MBD5: variants seen among roughly 807,000 people sequenced by gnomAD.
The protein encoded by MBD5 is methyl-CpG-binding domain protein 5.
MBD5 carries 13 observed loss-of-function variants against 117.3 expected under a neutral mutation model. The ratio of observed to expected loss-of-function variants is 0.11; its 90% CI spans 0.07 to 0.18. MBD5 has a LOEUF of 0.18. Ranked by LOEUF, MBD5 falls within the 10% of genes least tolerant of loss-of-function variation. The probability of loss-of-function intolerance (pLI) is 1.00; values close to 1 mark genes in which losing one functional copy is unlikely to be tolerated. For synonymous variants in MBD5, 727 were observed against 766.4 expected (o/e 0.95, Z 0.85); for missense variants, 1,879 against 2,093.8 (o/e 0.90, Z 2.00).
At chr2:148,262,466 G>A (rs1700754197) in intron 3 of MBD5, among the ~76,000 whole-genome samples, 1 of 151,990 alleles carries the variant, frequency 6.6e-6, no homozygotes. Context: ...CATTTATATG[G>A]CTCTCACTCT....
chr2:148,398,726 C>T (rs932558485), intron 4 of MBD5, among the ~76,000 whole-genome samples: 6 of 152,046 alleles, frequency 3.9e-5, no homozygotes, highest in African/African-American at 1.2e-4. Flanking sequence ...AAGTCCTTGC[C>T]CATGTCTATG....
intron 1 of MBD5, among the ~76,000 whole-genome samples, chr2:148,069,153 C>T (rs770935763): frequency 3.2e-4 from 49 of 152,112 alleles, no homozygotes; most frequent in Non-Finnish European, 5.0e-4. Context: ...TGTTAGCAAG[C>T]ATGTTTTGCA....
intron 1 of MBD5, among the ~76,000 whole-genome samples, chr2:148,035,331 CTG>C (rs200689677): frequency 0.03 from 4,586 of 152,174 alleles, 86 homozygotes; most frequent in Non-Finnish European, 0.047. Flanking sequence ...CTATTAATAA[CTG>C]TTCTATAATC....
chr2:148,423,715 G>T (rs577414385), intron 4 of MBD5, among the ~76,000 whole-genome samples: 1 of 152,142 alleles, frequency 6.6e-6, no homozygotes, highest in Non-Finnish European at 1.5e-5. Context: ...ACCCTTAAAT[G>T]TAAACAGACT....
At chr2:148,266,178 T>C (rs1300107438) in intron 3 of MBD5, among the ~76,000 whole-genome samples, 4 of 152,184 alleles carry the variant, frequency 2.6e-5, no homozygotes, top group Non-Finnish European at 5.9e-5. Flanking sequence ...GTATTTGTGT[T>C]GGTATCTCCT....
chr2:148,354,389 G>C (rs1173851721), intron 4 of MBD5, among the ~76,000 whole-genome samples: 4 of 152,068 alleles, frequency 2.6e-5, no homozygotes, highest in South Asian at 2.1e-4. Context: ...TCTTGTGTTA[G>C]TTTGCTGAGA....
At chr2:148,035,882 TA>T (rs1342855819) in intron 1 of MBD5, among the ~76,000 whole-genome samples, 1 of 152,160 alleles carries the variant, frequency 6.6e-6, no homozygotes, top group Non-Finnish European at 1.5e-5. Context: ...TACAATGCTT[TA>T]AAAATGCCTG....
intron 4 of MBD5, among the ~76,000 whole-genome samples, chr2:148,397,303 C>G (rs1001410343): frequency 1.1e-4 from 16 of 150,798 alleles, no homozygotes; most frequent in Admixed American, 6.0e-4. Context: ...TCTTGTGGCC[C>G]AAATGTTTCT....
At chr2:148,049,073 A>G (rs1180014602) in intron 1 of MBD5, among the ~76,000 whole-genome samples, 1 of 152,198 alleles carries the variant, frequency 6.6e-6, no homozygotes, top group Admixed American at 6.5e-5. Context: ...ATTGTGGGAA[A>G]TGGTAAAAAA....
At chr2:148,158,226 T>A (rs1697919142) in intron 1 of MBD5, among the ~76,000 whole-genome samples, 1 of 152,206 alleles carries the variant, frequency 6.6e-6, no homozygotes, top group Non-Finnish European at 1.5e-5. Flanking sequence ...TTTAAGGGAT[T>A]TTTAATGATA....
intron 4 of MBD5, among the ~76,000 whole-genome samples, chr2:148,376,732 A>ATTATATTATATATTATAATTATATATAT (rs1703997978): frequency 1.4e-5 from 2 of 140,126 alleles, no homozygotes; most frequent in African/African-American, 5.2e-5. Flanking sequence ...CTAATATATA[A>ATTATATTATATATTATAATTATATATAT]TTATATTATA....
chr2:148,396,760 T>C (rs970329603), intron 4 of MBD5, among the ~76,000 whole-genome samples: 1 of 152,178 alleles, frequency 6.6e-6, no homozygotes, highest in African/African-American at 2.4e-5. Flanking sequence ...TCTTACAGGG[T>C]TGCCACAGGT....
rs62183928 is a variant in MBD5, at chr2:148,190,923, A to C, written c.-831+12130A>C. On this transcript the variant is annotated intron_variant, in intron 2 of 13. Coordinates refer to ENST00000642680, the MANE Select transcript of MBD5 (RefSeq NM_001378120.1). Reference sequence around the variant, plus strand: ...AAGGATGGAGGAAGATCTACCAAGCAAATGGAAAACAAAAAAAGGCAGGGG... The same window carrying C: ...AAGGATGGAGGAAGATCTACCAAGCCAATGGAAAACAAAAAAAGGCAGGGG... Among the ~76,000 whole-genome samples, 356 of 136,034 alleles carry C rather than the reference A, an allele frequency of 2.6e-3. 2 individuals carry two copies. The highest frequency in any genetic ancestry group is 9.6e-3 in the African/African-American group (334 of 34,838). 89.2% of individuals were successfully genotyped at this position (136,034 alleles called of 152,430 possible).
intron 6 of MBD5, among the ~76,000 whole-genome samples, 165 bp downstream of exon 6, chr2:148,462,849 G>A (rs565162648): frequency 3.2e-4 from 48 of 152,078 alleles, no homozygotes; most frequent in Admixed American, 2.0e-3. Flanking sequence ...CTTAAAAATT[G>A]TGGAAAATAA....
chr2:148,388,463 T>C (rs569666513), intron 4 of MBD5, among the ~76,000 whole-genome samples: 25 of 152,196 alleles, frequency 1.6e-4, no homozygotes, highest in Non-Finnish European at 1.3e-4. Context: ...TTACAGTTAG[T>C]ATGGGTTTGT....
At chr2:148,304,707 A>G (rs1237073791) in intron 3 of MBD5, among the ~76,000 whole-genome samples, 1 of 152,156 alleles carries the variant, frequency 6.6e-6, no homozygotes, top group Non-Finnish European at 1.5e-5. Flanking sequence ...GTGGATGGAA[A>G]ATTACTGAAA....
intron 3 of MBD5, among the ~76,000 whole-genome samples, chr2:148,243,470 G>A (rs1015627868): frequency 2.6e-5 from 4 of 151,974 alleles, no homozygotes; most frequent in African/African-American, 9.7e-5. Flanking sequence ...ACCTGTTTAC[G>A]TAGATTATTC....
chr2:148,293,095 C>G (rs1701537634), intron 3 of MBD5, among the ~76,000 whole-genome samples: 1 of 146,802 alleles, frequency 6.8e-6, no homozygotes, highest in African/African-American at 2.5e-5. Flanking sequence ...AGGTGGATCA[C>G]TTGAGCCCAG....
intron 3 of MBD5, chr2:148,243,937 T>C (rs1028360982): frequency 3.3e-5 from 5 of 151,860 alleles, no homozygotes; most frequent in Non-Finnish European, 7.4e-5. Flanking sequence ...TCTTTTTTTA[T>C]GTGTATTTCT....
Sources: allele counts gnomAD v4.1 joint callset (sites outside exome capture counted in the v4.1 genomes callset), GRCh38; gene constraint gnomAD v4.1.1; transcripts MANE v1.5; gene names NCBI Gene and HGNC (gene_info 2026-07-23, HGNC 2026-07-21).